Variants in SHANK2 observed in about 807,000 individuals in gnomAD.
SHANK2 encodes the protein SH3 and multiple ankyrin repeat domains protein 2.
Under a neutral mutation model 133.7 loss-of-function variants are expected in SHANK2, and 43 were observed. That is an observed-to-expected ratio of 0.32 (90% CI 0.25 to 0.41). The LOEUF is 0.41. SHANK2 is among the 10% of genes least tolerant of loss of function. SHANK2 has a pLI of 1.00. For synonymous variants in SHANK2, 1,017 were observed against 952.8 expected, an observed-to-expected ratio of 1.07 and a Z score of -1.24; for missense variants, 1,994 against 2,235.8, an observed-to-expected ratio of 0.89 and a Z score of 2.18.
chr11:71,233,416 G>C (rs1263572390), intron 1 of SHANK2, among the ~76,000 whole-genome samples: 1 of 152,136 alleles, frequency 6.6e-6, no homozygotes, highest in Non-Finnish European at 1.5e-5. Context: ...GCTCAGAATG[G>C]GCAAACTCAC....
intron 14 of SHANK2, among the ~76,000 whole-genome samples, chr11:70,751,493 G>C (rs1946747896): frequency 6.6e-6 from 1 of 152,084 alleles, no homozygotes; most frequent in African/African-American, 2.4e-5. Flanking sequence ...GTGGCCAGCA[G>C]GTCAACTTTA....
intron 1 of SHANK2, among the ~76,000 whole-genome samples, chr11:71,227,095 TATACTC>T (rs1368087673): frequency 5.3e-5 from 8 of 152,006 alleles, no homozygotes; most frequent in African/African-American, 1.9e-4. Flanking sequence ...TACAAAGAGA[TATACTC>T]ATAAACACTA....
intron 14 of SHANK2, among the ~76,000 whole-genome samples, chr11:70,709,254 G>A (rs1045176828): frequency 2.0e-5 from 3 of 152,190 alleles, no homozygotes; most frequent in Non-Finnish European, 2.9e-5. Context: ...CGATGTAGGC[G>A]AATTCTGAAT....
chr11:70,530,344 T>A (rs140764936), intron 17 of SHANK2, among the ~76,000 whole-genome samples: 2,043 of 152,162 alleles, frequency 0.013, 49 homozygotes, highest in African/African-American at 0.047. Flanking sequence ...GAGATCAGCC[T>A]GGGCAACACA....
chr11:70,754,201 C>T (rs1403412844), intron 14 of SHANK2, among the ~76,000 whole-genome samples: 1 of 152,122 alleles, frequency 6.6e-6, no homozygotes, highest in African/African-American at 2.4e-5. Context: ...GAAGCAGCAA[C>T]ACCAACTCTA....
At chr11:71,126,799 T>C (rs55836628) in intron 3 of SHANK2, among the ~76,000 whole-genome samples, 1,627 of 151,034 alleles carry the variant, frequency 0.011, 12 homozygotes, top group Non-Finnish European at 0.018. Flanking sequence ...CGATCTTGGT[T>C]CACCACAACC....
At chr11:71,239,048 T>C (rs1216537189) in intron 1 of SHANK2, among the ~76,000 whole-genome samples, 3 of 152,244 alleles carry the variant, frequency 2.0e-5, no homozygotes, top group Non-Finnish European at 2.9e-5. Flanking sequence ...AAGCATTTTG[T>C]TCACAAATGC....
chr11:70,766,359 T>A (rs1947124191), intron 14 of SHANK2, among the ~76,000 whole-genome samples: 1 of 152,226 alleles, frequency 6.6e-6, no homozygotes, highest in Non-Finnish European at 1.5e-5. Flanking sequence ...GCCATGTTCT[T>A]TAGTTGTTTT....
chr11:71,085,852 A>ATG (rs1951392357), intron 8 of SHANK2, among the ~76,000 whole-genome samples: 2 of 1,884 alleles, frequency 1.1e-3, no homozygotes, highest in African/African-American at 6.0e-3. Flanking sequence ...AATAATATAT[A>ATG]TTGTTATTTT....
At chr11:70,819,346 C>A (rs1948470197) in intron 12 of SHANK2, among the ~76,000 whole-genome samples, 1 of 152,236 alleles carries the variant, frequency 6.6e-6, no homozygotes, top group South Asian at 2.1e-4. Flanking sequence ...GCAGCTGTAC[C>A]CATGAGAATG....
intron 3 of SHANK2, among the ~76,000 whole-genome samples, chr11:71,146,542 C>T (rs1316316808): frequency 6.6e-6 from 1 of 152,212 alleles, no homozygotes; most frequent in Non-Finnish European, 1.5e-5. Flanking sequence ...CCAGCGTGGG[C>T]CAGGGCAGCC....
At chr11:70,649,894 T>A (rs547259722) in intron 17 of SHANK2, among the ~76,000 whole-genome samples, 35 of 152,340 alleles carry the variant, frequency 2.3e-4, no homozygotes, top group African/African-American at 8.4e-4. Flanking sequence ...TGGAGTCAGC[T>A]TAGATTCAGA....
chr11:70,500,598 A>T lies in SHANK2; in HGVS notation c.2288-8T>A. 6.2e-7 allele frequency: 1 copy of T among 1,601,392 alleles called. No homozygotes were observed. The highest frequency in any genetic ancestry group is 8.5e-7 in the Non-Finnish European group (1 of 1,174,284). ...TCTTCTTCCGGACCGAGGCTTGCAA[A>T]CAGAAAGGGGACCGCCATGAGCCAC... is the stretch of plus-strand genomic sequence containing the variant. On this transcript the variant is annotated splice_region_variant and splice_polypyrimidine_tract_variant and intron_variant, in intron 20 of 25. Coordinates refer to ENST00000601538, the MANE Select transcript of SHANK2 (RefSeq NM_012309.5). This position sits in a 1 kb window ranked among gnomAD's most constrained non-coding sequence, Gnocchi z 4.5.
At chr11:70,732,499 C>T (rs1946311933) in intron 14 of SHANK2, among the ~76,000 whole-genome samples, 1 of 152,164 alleles carries the variant, frequency 6.6e-6, no homozygotes, top group Admixed American at 6.5e-5. Flanking sequence ...CCTTGCATGG[C>T]CCAGGATTTT....
intron 10 of SHANK2, chr11:70,943,004 T>C: frequency 2.2e-6 from 1 of 454,434 alleles, no homozygotes; most frequent in Non-Finnish European, 4.4e-6. Context: ...AACCATTCAT[T>C]GTAATACAAT....
At chr11:70,639,024 C>A (rs533968536) in intron 17 of SHANK2, among the ~76,000 whole-genome samples, 6 of 147,140 alleles carry the variant, frequency 4.1e-5, no homozygotes, top group South Asian at 2.2e-4. Context: ...AAAAAAAAAA[C>A]AAAAAAAACA....
rs528294427 is a variant in SHANK2, at chr11:70,836,027, T to C, written c.1175-15345A>G. Reference sequence around the variant, plus strand: ...GGGCTGCCCACCACCTCCTCTCCCATACAAGAGAGCCCACCAAGGTGCAGG... The same window carrying C: ...GGGCTGCCCACCACCTCCTCTCCCACACAAGAGAGCCCACCAAGGTGCAGG... On this transcript the variant is annotated intron_variant, in intron 11 of 25. Transcript: ENST00000601538. Among the ~76,000 whole-genome samples the C allele has an allele frequency of 1.1e-4, 16 of 152,252 alleles. No homozygotes were observed. In the South Asian group the frequency reaches 2.3e-3, roughly 22 times the overall value.
intron 6 of SHANK2, among the ~76,000 whole-genome samples, chr11:71,097,812 G>A (rs545288398): frequency 1.3e-5 from 2 of 152,272 alleles, no homozygotes; most frequent in Non-Finnish European, 2.9e-5. Context: ...TACCCAGCGG[G>A]CACAGGGCAG....
chr11:70,499,043 AC>A (rs1349390237), intron 21 of SHANK2, among the ~76,000 whole-genome samples: 1 of 152,196 alleles, frequency 6.6e-6, no homozygotes, highest in Non-Finnish European at 1.5e-5. Context: ...CTGGAGTGTG[AC>A]GAGTGCTTTT....
Sources: allele counts gnomAD v4.1 joint callset (sites outside exome capture counted in the v4.1 genomes callset), GRCh38; gene constraint gnomAD v4.1.1; non-coding constraint Gnocchi (gnomAD v3.1); transcripts MANE v1.5; gene names NCBI Gene and HGNC (gene_info 2026-07-23, HGNC 2026-07-21).